Variants in KCNQ5 observed in about 807,000 individuals in gnomAD.
The protein encoded by KCNQ5 is potassium voltage-gated channel subfamily Q member 5, also known as potassium voltage-gated channel subfamily KQT member 5.
A neutral mutation model predicts 98.2 loss-of-function variants in KCNQ5; 30 were observed. The observed-to-expected ratio is 0.31, with a 90% CI of 0.23 to 0.41. KCNQ5 has a LOEUF of 0.41. Ranked by LOEUF, KCNQ5 falls within the 10% of genes least tolerant of loss-of-function variation. KCNQ5 has a pLI of 1.00. For missense variants in KCNQ5, 835 were observed against 1,182.5 expected, an observed-to-expected ratio of 0.71 and a Z score of 4.31; for synonymous variants, 458 against 449.4, an observed-to-expected ratio of 1.02 and a Z score of -0.24.
chr6:72,782,541 A>G (rs147728186), intron 1 of KCNQ5, among the ~76,000 whole-genome samples: 49 of 152,302 alleles, frequency 3.2e-4, no homozygotes, highest in Middle Eastern at 3.4e-3. Context: ...TGTTGTTTTG[A>G]TGAATTAATC....
intron 1 of KCNQ5, among the ~76,000 whole-genome samples, chr6:72,988,261 C>G (rs80203610): frequency 6.6e-6 from 1 of 152,224 alleles, no homozygotes; most frequent in African/African-American, 2.4e-5. Context: ...ATAGATGAGG[C>G]AAAGGAAGTT....
intron 1 of KCNQ5, among the ~76,000 whole-genome samples, chr6:72,839,165 T>C (rs1776671854): frequency 9.2e-6 from 1 of 108,544 alleles, no homozygotes; most frequent in African/African-American, 4.0e-5. Flanking sequence ...TGTATTTGAC[T>C]AACAACCATA....
chr6:72,685,132 A>G lies in KCNQ5; in HGVS notation c.398+62545A>G, dbSNP rs532169069. Among the ~76,000 whole-genome samples the G allele has an allele frequency of 3.3e-5, 5 of 152,320 alleles. No homozygotes were observed. In the East Asian group the frequency reaches 9.6e-4, roughly 29 times the overall value. Reference sequence around the variant, plus strand: ...GCTATGTGTTGTGCAGAATGATTGAATGAATCCAGGCAAACTCTGATTTGG... The same window carrying G: ...GCTATGTGTTGTGCAGAATGATTGAGTGAATCCAGGCAAACTCTGATTTGG... On this transcript the variant is annotated intron_variant, in intron 1 of 13. Transcript: ENST00000370398.
At chr6:72,650,273 T>C (rs548544853) in intron 1 of KCNQ5, among the ~76,000 whole-genome samples, 4 of 152,248 alleles carry the variant, frequency 2.6e-5, no homozygotes, top group African/African-American at 9.6e-5. Flanking sequence ...CAGTGACTCA[T>C]AGACATGCAT....
intron 3 of KCNQ5, chr6:73,055,591 TGAA>T (rs1772448134): frequency 7.4e-7 from 1 of 1,343,878 alleles, no homozygotes; most frequent in East Asian, 2.3e-5. Context: ...CCTTCTGGAA[TGAA>T]GAAGTATTTC....
At chr6:73,094,958 A>G (rs956763099) in intron 5 of KCNQ5, among the ~76,000 whole-genome samples, 2 of 152,050 alleles carry the variant, frequency 1.3e-5, no homozygotes, top group African/African-American at 2.4e-5. Context: ...TTGTATTTGG[A>G]TGTCTAGGTC....
intron 1 of KCNQ5, among the ~76,000 whole-genome samples, chr6:72,718,586 G>C (rs1407688480): frequency 6.6e-6 from 1 of 151,540 alleles, no homozygotes; most frequent in Non-Finnish European, 1.5e-5. Flanking sequence ...GAGTAGCTGG[G>C]ACTACAGGTA....
chr6:72,721,194 G>T (rs992258821), intron 1 of KCNQ5, among the ~76,000 whole-genome samples: 1 of 152,154 alleles, frequency 6.6e-6, no homozygotes, highest in Non-Finnish European at 1.5e-5. Flanking sequence ...ATTATATAGT[G>T]TTTAGAACAG....
chr6:72,928,063 A>C (rs1765518231), intron 1 of KCNQ5, among the ~76,000 whole-genome samples: 1 of 151,938 alleles, frequency 6.6e-6, no homozygotes, highest in African/African-American at 2.4e-5. Flanking sequence ...CTGCTTGAGA[A>C]CTCTTTAAGC....
chr6:72,944,179 T>C (rs1236192369), intron 1 of KCNQ5, among the ~76,000 whole-genome samples: 2 of 152,216 alleles, frequency 1.3e-5, no homozygotes, highest in Non-Finnish European at 2.9e-5. Context: ...TGAGCATTCA[T>C]TACTATTATT....
At chr6:73,097,211 G>A (rs1774548744) in intron 5 of KCNQ5, among the ~76,000 whole-genome samples, 1 of 138,852 alleles carries the variant, frequency 7.2e-6, no homozygotes, top group Non-Finnish European at 1.5e-5. Context: ...TGTGTCCTTT[G>A]ACCATCATCT....
chr6:72,736,246 G>GA (rs1770825886), intron 1 of KCNQ5, among the ~76,000 whole-genome samples: 1 of 151,882 alleles, frequency 6.6e-6, no homozygotes, highest in African/African-American at 2.4e-5. Context: ...AAGAAAACAA[G>GA]AAAAATGGTT....
intron 1 of KCNQ5, among the ~76,000 whole-genome samples, chr6:72,787,026 A>AG (rs1166737483): frequency 1.1e-4 from 17 of 149,250 alleles, no homozygotes; most frequent in Middle Eastern, 7.0e-3. Flanking sequence ...AAAAAAAAAA[A>AG]AAAGAAATGA....
chr6:72,701,669 T>C (rs1490397772), intron 1 of KCNQ5, among the ~76,000 whole-genome samples: 1 of 152,086 alleles, frequency 6.6e-6, no homozygotes, highest in East Asian at 1.9e-4. Flanking sequence ...CTCAAACTCC[T>C]GAGCTCAAGC....
intron 10 of KCNQ5, among the ~76,000 whole-genome samples, chr6:73,159,577 T>C (rs1055105786): frequency 6.6e-6 from 1 of 152,252 alleles, no homozygotes; most frequent in African/African-American, 2.4e-5. Context: ...TCACCAGCAA[T>C]GTCAAAGTGT....
At chr6:73,093,852 C>T (rs1393333247) in intron 5 of KCNQ5, among the ~76,000 whole-genome samples, 1 of 151,882 alleles carries the variant, frequency 6.6e-6, no homozygotes, top group East Asian at 1.9e-4. Context: ...GAGAAAGTTC[C>T]ATGCACTGAA....
In KCNQ5 at chr6:72,843,517, A is replaced by G. The variant is rs1174439498; in HGVS notation, c.399-160391A>G. On this transcript the variant is annotated intron_variant, in intron 1 of 13. Transcript: ENST00000370398. ...TAGTGTAGTTTTTTCCAATTCTGTG[A>G]AGAAAGCCAATGGTAGCTTGATGGG... is the stretch of plus-strand genomic sequence containing the variant. 2.0e-5 allele frequency among the ~76,000 whole-genome samples: 3 copies of G among 152,146 alleles called. No homozygotes were observed. In the East Asian group the frequency reaches 5.8e-4, roughly 29 times the overall value.
intron 1 of KCNQ5, among the ~76,000 whole-genome samples, chr6:72,708,186 C>T (rs769363888): frequency 5.3e-5 from 8 of 151,988 alleles, no homozygotes; most frequent in Admixed American, 1.3e-4. Context: ...TTTGGGTTTT[C>T]GCCAATGTAT....
chr6:73,116,097 C>A (rs1467917982), intron 7 of KCNQ5, among the ~76,000 whole-genome samples: 3 of 152,014 alleles, frequency 2.0e-5, no homozygotes, highest in African/African-American at 7.2e-5. Flanking sequence ...TAAAATAGGG[C>A]AATTATAACT....
Sources: gnomAD v4.1 joint callset for allele counts (sites outside exome capture counted in the v4.1 genomes callset) on GRCh38, gnomAD v4.1.1 for gene constraint, MANE v1.5 for transcripts, NCBI Gene and HGNC (gene_info 2026-07-23, HGNC 2026-07-21) for gene names.